Variants in TCF12 observed in about 807,000 individuals in gnomAD.
TCF12 encodes transcription factor 12.
TCF12 carries 45 observed loss-of-function variants against 86.0 expected under a neutral mutation model. The ratio of observed to expected loss-of-function variants is 0.52; its 90% CI spans 0.41 to 0.67. TCF12 has a LOEUF of 0.67. TCF12 is among the 30% of genes least tolerant of loss of function. The probability of loss-of-function intolerance (pLI) is 0.00; values close to 1 mark genes in which losing one functional copy is unlikely to be tolerated. For synonymous variants in TCF12, 330 were observed against 299.6 expected (o/e 1.10, Z -1.05); for missense variants, 881 against 859.9 (o/e 1.02, Z -0.31).
intron 5 of TCF12, among the ~76,000 whole-genome samples, chr15:57,127,031 G>C (rs1167680284): frequency 6.9e-6 from 1 of 144,760 alleles, no homozygotes; most frequent in Non-Finnish European, 1.5e-5. Flanking sequence ...TGCCCAGGCT[G>C]AAGTGCAGTG....
chr15:57,051,035 G>C (rs2067578255), intron 3 of TCF12, among the ~76,000 whole-genome samples: 1 of 152,152 alleles, frequency 6.6e-6, no homozygotes, highest in Non-Finnish European at 1.5e-5. Context: ...CACACATGTA[G>C]TAATTTTTAA....
chr15:57,208,821 T>G (rs2057979341), intron 8 of TCF12, among the ~76,000 whole-genome samples: 1 of 151,970 alleles, frequency 6.6e-6, no homozygotes, highest in Non-Finnish European at 1.5e-5. Flanking sequence ...AGAGAGGCAG[T>G]CCTCCCACCT....
Position 57,155,518 on chromosome 15 carries a change from G to A in TCF12, c.326-10884G>A, listed in dbSNP as rs558027952. ...ACCATATTTAAGTCTTAGCAGGCCAGGCATGGTGGCTCACCCCTGTAATCC... is the reference window on the plus strand; with the variant it reads ...ACCATATTTAAGTCTTAGCAGGCCAAGCATGGTGGCTCACCCCTGTAATCC... On this transcript the variant is annotated intron_variant, in intron 5 of 20. Transcript: ENST00000333725. 2.0e-5 allele frequency among the ~76,000 whole-genome samples: 3 copies of A among 152,256 alleles called. No homozygotes were observed. The South Asian group carries it at 6.2e-4, about 32-fold the overall frequency.
chr15:56,934,882 T>C (rs1381995638), intron 3 of TCF12, among the ~76,000 whole-genome samples: 1 of 152,122 alleles, frequency 6.6e-6, no homozygotes, highest in Non-Finnish European at 1.5e-5. Flanking sequence ...TAACTGGGTT[T>C]GGGAGAAAAG....
At position 57,287,091 on chromosome 15, in the gene TCF12, A is replaced by G. The variant is rs1250596637; in HGVS notation, c.*946A>G. 6.1e-6 allele frequency: 1 copy of G among 163,082 alleles called. No individual in the cohort carries two copies. The highest frequency in any genetic ancestry group is 5.8e-5 in the Admixed American group (1 of 17,358). The allele number at this position is 163,082 out of a possible 1,614,324, so 10.1% of individuals were successfully genotyped here. A position where few individuals can be genotyped will look rare whatever the true frequency, so the allele number is the denominator to read the frequency against. On this transcript the variant is annotated 3_prime_UTR_variant, in exon 21 of 21. Transcript: ENST00000333725. Reference sequence around the variant, plus strand: ...TAGCAAAATTGTAAATTACAAGGGAAGAATCTACTTTTTAGAAATCGCTTT... The same window carrying G: ...TAGCAAAATTGTAAATTACAAGGGAGGAATCTACTTTTTAGAAATCGCTTT...
At position 57,261,396 on chromosome 15, in the gene TCF12, G is replaced by A. The variant is rs373279294; in HGVS notation, c.1468-698G>A. Among the ~76,000 whole-genome samples the A allele has an allele frequency of 5.9e-5, 9 of 152,152 alleles. No individual in the cohort carries two copies. In the East Asian group the frequency reaches 7.7e-4, roughly 13 times the overall value. ...AACCAAAGGATAAACTTGCATAGGG[G>A]TATTTATTCCTCTTAGGGTAAAATC... On this transcript the variant is annotated intron_variant, in intron 16 of 20. Coordinates refer to ENST00000333725, the MANE Select transcript of TCF12 (RefSeq NM_207037.2).
chr15:56,939,949 G>A (rs181105079), intron 3 of TCF12, among the ~76,000 whole-genome samples: 84 of 147,120 alleles, frequency 5.7e-4, no homozygotes, highest in Admixed American at 1.3e-3. Flanking sequence ...GCAAAAAGAA[G>A]TGATACTTTA....
At position 57,239,490 on chromosome 15, in the gene TCF12, TG is replaced by T. The variant is rs540328707; in HGVS notation, c.1036-3979del. ...GAGATCGTGCCACTGCACTTCAGCC[TG>T]GGCAACAGAGCAAGACTCCATCTCA... On this transcript the variant is annotated intron_variant, in intron 12 of 20. Transcript: ENST00000333725. 3.3e-3 allele frequency among the ~76,000 whole-genome samples: 431 copies of T among 130,130 alleles called. 2 individuals are homozygous for T. The highest frequency in any genetic ancestry group is 0.011 in the African/African-American group (413 of 35,986). 85.4% of individuals were successfully genotyped at this position (130,130 alleles called of 152,430 possible). A position where few individuals can be genotyped will look rare whatever the true frequency, so the allele number is the denominator to read the frequency against.
chr15:57,033,399 A>T (rs190793601), intron 3 of TCF12, among the ~76,000 whole-genome samples: 2 of 152,314 alleles, frequency 1.3e-5, no homozygotes, highest in Admixed American at 6.5e-5. Context: ...AGTAACATGG[A>T]ATTTTTATTT....
intron 3 of TCF12, among the ~76,000 whole-genome samples, chr15:56,997,674 G>A (rs539845207): frequency 6.6e-6 from 1 of 152,062 alleles, no homozygotes; most frequent in Admixed American, 6.6e-5. Context: ...GGGGAAACAG[G>A]GATTAATGAG....
At chr15:56,932,867 A>G (rs979481588) in intron 3 of TCF12, among the ~76,000 whole-genome samples, 4 of 152,172 alleles carry the variant, frequency 2.6e-5, no homozygotes, top group African/African-American at 9.7e-5. Flanking sequence ...TTTATTAAGG[A>G]GAAAACAGTA....
At chr15:57,194,455 T>A (rs2057147397) in intron 7 of TCF12, among the ~76,000 whole-genome samples, 1 of 152,146 alleles carries the variant, frequency 6.6e-6, no homozygotes, top group African/African-American at 2.4e-5. Context: ...TTTAGTGGGT[T>A]CTTACTACAT....
rs560257289 is a variant in TCF12, at chr15:57,127,486, C to T, written c.325+35595C>T. Among the ~76,000 whole-genome samples the T allele has an allele frequency of 5.9e-5, 9 of 152,182 alleles. No homozygotes were observed. In the South Asian group the frequency reaches 1.2e-3, roughly 21 times the overall value. ...GCGTTTATCATATAAATACCATCAC[C>T]GTTTATATAGAAAATTTTTTCATCT... On this transcript the variant is annotated intron_variant, in intron 5 of 20. Transcript: ENST00000333725.
intron 8 of TCF12, 125 bp downstream of exon 8, chr15:57,197,950 G>A: frequency 1.1e-6 from 1 of 911,170 alleles, no homozygotes; most frequent in Non-Finnish European, 1.7e-6. Flanking sequence ...ATTGTTCAGT[G>A]CTTAACAAAA....
At chr15:57,170,759 TTATA>T (rs1222334982) in intron 6 of TCF12, among the ~76,000 whole-genome samples, 5 of 32,654 alleles carry the variant, frequency 1.5e-4, no homozygotes, top group Middle Eastern at 9.4e-3. Flanking sequence ...ATATTATATA[TTATA>T]TATATATTAT....
chr15:57,124,664 T>C (rs529814828), intron 5 of TCF12, among the ~76,000 whole-genome samples: 38 of 152,194 alleles, frequency 2.5e-4, no homozygotes, highest in African/African-American at 5.1e-4. Flanking sequence ...GGCTTGACTC[T>C]CAAAAATATT....
chr15:57,180,937 C>T (rs1415956662), intron 6 of TCF12, among the ~76,000 whole-genome samples: 1 of 150,352 alleles, frequency 6.7e-6, no homozygotes, highest in Non-Finnish European at 1.5e-5. Flanking sequence ...GCCTCAGCCT[C>T]CTGAGTGGCT....
chr15:57,138,636 G>A (rs530141651), intron 5 of TCF12, among the ~76,000 whole-genome samples: 1 of 152,312 alleles, frequency 6.6e-6, no homozygotes, highest in Admixed American at 6.5e-5. Context: ...CAGGGCAGCT[G>A]TTTGTTTTTA....
At chr15:57,165,134 CTGTGTGTG>C (rs10651646) in intron 5 of TCF12, among the ~76,000 whole-genome samples, 17 of 147,222 alleles carry the variant, frequency 1.2e-4, no homozygotes, top group African/African-American at 2.5e-4. Flanking sequence ...GAATGTATGT[CTGTGTGTG>C]TGTGTGTGTG....
Sources: gnomAD v4.1 joint callset for allele counts (sites outside exome capture counted in the v4.1 genomes callset) on GRCh38, gnomAD v4.1.1 for gene constraint, MANE v1.5 for transcripts, NCBI Gene and HGNC (gene_info 2026-07-23, HGNC 2026-07-21) for gene names.